MMP17: variants seen among roughly 807,000 people sequenced by gnomAD.
MMP17 encodes matrix metallopeptidase 17, also known as matrix metalloproteinase-17.
A neutral mutation model predicts 49.1 loss-of-function variants in MMP17; 54 were observed. That is an observed-to-expected ratio of 1.10 (90% CI 0.88 to 1.38). The LOEUF is 1.38. Ranked by LOEUF, MMP17 falls within the 40% of genes most tolerant of loss-of-function variation. The probability of loss-of-function intolerance (pLI) is 0.00; values close to 1 mark genes in which losing one functional copy is unlikely to be tolerated. For missense variants in MMP17, 837 were observed against 853.7 expected, an observed-to-expected ratio of 0.98 and a Z score of 0.24; for synonymous variants, 397 against 383.1, an observed-to-expected ratio of 1.04 and a Z score of -0.42.
At position 131,845,436 on chromosome 12, in the gene MMP17, C is replaced by G. The variant is rs371736817; in HGVS notation, c.1191C>G (p.Ile397Met). Residue 397 changes from isoleucine to methionine, a missense_variant, in exon 8 of 10, where the codon ATC becomes ATG. Ile to Met is a conservative substitution (Grantham distance 10). Transcript: ENST00000360564. ...AVYERTSDHK[I>M]VFFKGDRYWV... ...ACGAGCGCACCAGCGACCACAAGAT[C>G]GTCTTCTTTAAAGGTGGGTGGGCCT... 291 of 1,570,228 alleles carry G rather than the reference C, an allele frequency of 1.9e-4. No individual in the cohort carries two copies. Among genetic ancestry groups the G allele is most frequent in the Non-Finnish European group, 2.4e-4 (283 of 1,160,426 alleles).
Position 131,828,546 on chromosome 12 carries a change from C to G in MMP17, c.52C>G (p.Leu18Val). The change falls in exon 1 of 10, where the codon CTC (leucine) becomes GTC (valine). Residue 18 changes from leucine (L) to valine (V), a missense_variant. Transcript: ENST00000360564. ...GPGPPPPGPG[L>V]SRLPLPLLLL... is the part of the protein sequence containing the mutation. ...CGGCCCGCCGCCCCCAGGGCCCGGA[C>G]TCTCGCGGCTGCCGCTGCCGCTGCT... 2 of 962,614 alleles carry G rather than the reference C, an allele frequency of 2.1e-6. No individual in the cohort carries two copies. The highest frequency in any genetic ancestry group is 2.4e-6 in the Non-Finnish European group (2 of 832,168). The allele number at this position is 962,614 out of a possible 1,614,324, so 59.6% of individuals were successfully genotyped here.
chr12:131,831,603 A>G (rs1382205936), intron 1 of MMP17, among the ~76,000 whole-genome samples: 1 of 151,706 alleles, frequency 6.6e-6, no homozygotes, highest in Middle Eastern at 3.4e-3. Context: ...TGATTTCGCC[A>G]TGAGAGACGT....
At chr12:131,844,715 C>A in intron 6 of MMP17, 15 of 247,266 alleles carry the variant, frequency 6.1e-5, no homozygotes, top group Non-Finnish European at 9.7e-5. Flanking sequence ...GCACCTTGTC[C>A]CTGACCTTCT....
chr12:131,835,319 G>A (rs1887027960), intron 1 of MMP17, among the ~76,000 whole-genome samples: 1 of 152,236 alleles, frequency 6.6e-6, no homozygotes, highest in African/African-American at 2.4e-5. Flanking sequence ...GTCCCGGGCT[G>A]GTGCTGGGGC....
Position 131,849,877 on chromosome 12 carries a change from C to G in MMP17, c.1280C>G (p.Pro427Arg). 1.2e-6 allele frequency: 2 copies of G among 1,614,046 alleles called. No individual in the cohort carries two copies. Among genetic ancestry groups the G allele is most frequent in the Non-Finnish European group, 1.7e-6 (2 of 1,180,020 alleles). Residue 427 changes from proline (P) to arginine (R), a missense_variant, in exon 9 of 10, where the codon CCG (proline) becomes CGG (arginine). Pro to Arg is a moderately radical substitution (Grantham distance 103). Coordinates refer to ENST00000360564, the MANE Select transcript of MMP17 (RefSeq NM_016155.7). Reference sequence around the variant, plus strand: ...CGCCCCGTCTCCGACTTCAGCCTCCCGCCTGGCGGCATCGACGCTGCCTTC... The same window carrying G: ...CGCCCCGTCTCCGACTTCAGCCTCCGGCCTGGCGGCATCGACGCTGCCTTC... ...YPRPVSDFSL[P>R]PGGIDAAFSW...
chr12:131,845,412 C>G lies in MMP17; in HGVS notation c.1167C>G (p.Tyr389Ter). 2.5e-6 allele frequency: 4 copies of G among 1,583,694 alleles called. No individual in the cohort carries two copies. The highest frequency in any genetic ancestry group is 3.4e-6 in the Non-Finnish European group (4 of 1,166,960). Residue 389 changes from tyrosine to a stop codon, truncating the protein, a stop_gained, in exon 8 of 10, where the codon TAC becomes TAG. Coordinates refer to ENST00000360564, the MANE Select transcript of MMP17 (RefSeq NM_016155.7). LOFTEE classifies it high-confidence loss of function. Reference protein sequence around the residue: ...PLHLDSVDAVYERTSDHKIVF... With the variant: ...PLHLDSVDAV ...ACCTGGACAGCGTGGACGCCGTGTA[C>G]GAGCGCACCAGCGACCACAAGATCG... is the stretch of plus-strand genomic sequence containing the variant.
At position 131,829,059 on chromosome 12, in the gene MMP17, G is replaced by T. The variant is rs547326261; in HGVS notation, c.159+406G>T. On this transcript the variant is annotated intron_variant, in intron 1 of 9. Transcript: ENST00000360564. ...TGCGTTCCGGGTGGGAGTGGCGGGGGCAGGAGCACGCACCCACAAAGCGAG... is the reference window on the plus strand; with the variant it reads ...TGCGTTCCGGGTGGGAGTGGCGGGGTCAGGAGCACGCACCCACAAAGCGAG... Among the ~76,000 whole-genome samples, 34 of 152,314 alleles carry T rather than the reference G, an allele frequency of 2.2e-4. No homozygotes were observed. In the South Asian group the frequency reaches 6.8e-3, roughly 31 times the overall value.
intron 8 of MMP17, among the ~76,000 whole-genome samples, chr12:131,847,915 C>A (rs1593238372): frequency 6.6e-6 from 1 of 152,304 alleles, no homozygotes; most frequent in South Asian, 2.1e-4. Flanking sequence ...CTGCCTGGTT[C>A]CCTACCAGGC....
In MMP17 at chr12:131,831,680, C is replaced by T. The variant is rs909956132; in HGVS notation, c.159+3027C>T. On this transcript the variant is annotated intron_variant, in intron 1 of 9. Coordinates refer to ENST00000360564, the MANE Select transcript of MMP17 (RefSeq NM_016155.7). ...TTCATGGCTCCGGGGATGTTGTTTG[C>T]CTTGGACGTGGGCTTTGCCACCCAA... Among the ~76,000 whole-genome samples, 4 of 149,660 alleles carry T rather than the reference C, an allele frequency of 2.7e-5. No individual in the cohort carries two copies. The South Asian group carries it at 8.6e-4, about 32-fold the overall frequency.
Position 131,840,739 on chromosome 12 carries a change from G to A in MMP17, c.589G>A (p.Gly197Ser), listed in dbSNP as rs370404573. The A allele has an allele frequency of 4.8e-5, 77 of 1,604,482 alleles. No individual in the cohort carries two copies. The highest frequency in any genetic ancestry group is 7.7e-5 in the South Asian group (7 of 91,088). The change falls in exon 4 of 10, where the codon GGC becomes AGC. Residue 197 changes from glycine to serine, a missense_variant. Physicochemically the swap from Gly to Ser is moderately conservative, Grantham distance 56. Coordinates refer to ENST00000360564, the MANE Select transcript of MMP17 (RefSeq NM_016155.7). ...CTTCTCCAAGGCCGACCATAACGAC[G>A]GCTACCCCTTCGACGGCCCCGGCGG... ...IDFSKADHND[G>S]YPFDGPGGTV...
intron 1 of MMP17, among the ~76,000 whole-genome samples, chr12:131,834,733 A>G (rs926072334): frequency 3.3e-5 from 5 of 151,894 alleles, no homozygotes; most frequent in Non-Finnish European, 7.4e-5. Context: ...AGGCCTGGTT[A>G]ACCCCTACTC....
intron 4 of MMP17, among the ~76,000 whole-genome samples, chr12:131,841,099 C>T (rs1395284048): frequency 3.3e-5 from 5 of 152,252 alleles, no homozygotes; most frequent in East Asian, 1.9e-4. Flanking sequence ...GTCCTCATCA[C>T]GTTCTCAGCA....
intron 5 of MMP17, 47 bp downstream of exon 5, chr12:131,841,847 CAG>C: frequency 6.6e-7 from 1 of 1,507,682 alleles, no homozygotes; most frequent in South Asian, 1.3e-5. Flanking sequence ...GAAGAGGGGT[CAG>C]AAACCCCAGG....
Position 131,840,831 on chromosome 12 carries a change from C to A in MMP17, c.681C>A (p.Asp227Glu). The A allele has an allele frequency of 6.2e-7, 1 of 1,606,482 alleles. No individual in the cohort carries two copies. Among genetic ancestry groups the A allele is most frequent in the Non-Finnish European group, 8.5e-7 (1 of 1,179,162 alleles). ...HTAGDTHFDD[D>E]EAWTFRSSDA... ...CCGGGGACACCCACTTTGACGATGA[C>A]GAGGCCTGGACCTTCCGCTCCTCGG... The change falls in exon 4 of 10, where the codon GAC becomes GAA. Residue 227 changes from aspartate (D) to glutamate (E), a missense_variant. Physicochemically the swap from Asp to Glu is conservative, Grantham distance 45 (BLOSUM62 2). Transcript: ENST00000360564.
rs1309771559 is a variant in MMP17, at chr12:131,840,305, T to C, written c.423-268T>C. 4 of 439,512 alleles carry C rather than the reference T, an allele frequency of 9.1e-6. No individual in the cohort carries two copies. In the South Asian group the frequency reaches 1.3e-4, roughly 14 times the overall value. The allele number at this position is 439,512 out of a possible 1,614,324, so 27.2% of individuals were successfully genotyped here. A position where few individuals can be genotyped will look rare whatever the true frequency, so the allele number is the denominator to read the frequency against. On this transcript the variant is annotated intron_variant, in intron 3 of 9. Transcript: ENST00000360564. Reference sequence around the variant, plus strand: ...GCACCGTTGAGGGCCCTGGGGCTGATGGCTCCACGCGGGAGCTGACGTTTG... The same window carrying C: ...GCACCGTTGAGGGCCCTGGGGCTGACGGCTCCACGCGGGAGCTGACGTTTG...
intron 1 of MMP17, among the ~76,000 whole-genome samples, chr12:131,833,781 G>A (rs766890542): frequency 3.9e-5 from 6 of 152,174 alleles, no homozygotes; most frequent in African/African-American, 7.2e-5. Context: ...AGGCCCAGGC[G>A]CCACCACCAT....
chr12:131,838,817 C>T (rs544574726), intron 3 of MMP17, 76 bp downstream of exon 3: 11 of 1,487,962 alleles, frequency 7.4e-6, no homozygotes, highest in Middle Eastern at 2.4e-4. Context: ...ACGGGGTCTC[C>T]GTGGAGGTGG....
At chr12:131,840,502 T>A in intron 3 of MMP17, 71 bp from the exon 4 acceptor site, 1 of 1,501,562 alleles carries the variant, frequency 6.7e-7, no homozygotes, top group Non-Finnish European at 8.9e-7. Context: ...AGGAGGGGCG[T>A]TCAGGGAACC....
chr12:131,839,133 G>C (rs1887248846), intron 3 of MMP17, among the ~76,000 whole-genome samples: 2 of 152,154 alleles, frequency 1.3e-5, no homozygotes, highest in East Asian at 1.9e-4. Context: ...ATCTGTCCAG[G>C]GTTCTATCCA....
Sources: allele counts gnomAD v4.1 joint callset (sites outside exome capture counted in the v4.1 genomes callset), GRCh38; gene constraint gnomAD v4.1.1; transcripts MANE v1.5; gene names NCBI Gene and HGNC (gene_info 2026-07-23, HGNC 2026-07-21).